The following PDE4D variants were observed in gnomAD, a reference collection of about 807,000 sequenced individuals.
PDE4D encodes the protein 3',5'-cyclic-AMP phosphodiesterase 4D.
PDE4D carries 24 observed loss-of-function variants against 87.4 expected under a neutral mutation model. That is an observed-to-expected ratio of 0.27 (90% CI 0.20 to 0.39). The LOEUF is 0.39. PDE4D is among the 10% of genes least tolerant of loss of function. The pLI is 1.00. For synonymous variants in PDE4D, 384 were observed against 383.2 expected (o/e 1.00, Z -0.02); for missense variants, 714 against 1,041.0 (o/e 0.69, Z 4.32).
chr5:59,631,777 C>T (rs1014557929), intron 1 of PDE4D, among the ~76,000 whole-genome samples: 35 of 152,218 alleles, frequency 2.3e-4, no homozygotes, highest in African/African-American at 8.0e-4. Flanking sequence ...TCTTGGGTGC[C>T]TATACCACAA....
At chr5:60,460,622 C>CT in intron 1 of PDE4D, 1 of 1,229,494 alleles carries the variant, frequency 8.1e-7, no homozygotes, top group Non-Finnish European at 1.2e-6. Context: ...TCTTGCTGTT[C>CT]TTTTTCTCCC....
chr5:60,316,844 G>C (rs1755656179), intron 1 of PDE4D, among the ~76,000 whole-genome samples: 1 of 152,162 alleles, frequency 6.6e-6, no homozygotes, highest in African/African-American at 2.4e-5. Context: ...AAGCAGACTT[G>C]ATCATGGTGG....
rs1742456116 is a variant in PDE4D at position 58,970,688 on chromosome 5, A to T, written c.*3976T>A. 6.6e-6 allele frequency: 1 copy of T among 152,182 alleles called. No homozygotes were observed. Among genetic ancestry groups the T allele is most frequent in the African/African-American group, 2.4e-5 (1 of 41,460 alleles). 9.4% of individuals were successfully genotyped at this position (152,182 alleles called of 1,614,324 possible). ...GACATTTGGTTTATCTTAGTGGAAG[A>T]AAAATTTTAGGATTAAAAAACAGTA... is the stretch of plus-strand genomic sequence containing the variant. On this transcript the variant is annotated 3_prime_UTR_variant, in exon 15 of 15. Transcript: ENST00000340635.
At chr5:60,481,919 T>C (rs1748760486) in intron 1 of PDE4D, among the ~76,000 whole-genome samples, 2 of 152,292 alleles carry the variant, frequency 1.3e-5, no homozygotes, top group Middle Eastern at 3.4e-3. Context: ...ATTTTTTTCA[T>C]TACCTTATTG....
At chr5:60,214,985 A>C (rs1465471153) in intron 1 of PDE4D, among the ~76,000 whole-genome samples, 1 of 152,168 alleles carries the variant, frequency 6.6e-6, no homozygotes, top group Non-Finnish European at 1.5e-5. Flanking sequence ...TACTCTCAGA[A>C]TCATCTCTTG....
chr5:59,374,454 T>C (rs988219630), intron 1 of PDE4D, among the ~76,000 whole-genome samples: 1 of 151,694 alleles, frequency 6.6e-6, no homozygotes, highest in Non-Finnish European at 1.5e-5. Flanking sequence ...TGGTAAAGGG[T>C]TCAATTCAAC....
At chr5:59,165,613 C>A (rs1407656144) in intron 5 of PDE4D, among the ~76,000 whole-genome samples, 1 of 152,092 alleles carries the variant, frequency 6.6e-6, no homozygotes, top group African/African-American at 2.4e-5. Flanking sequence ...TCATGAACTC[C>A]CTATGAGATA....
intron 1 of PDE4D, among the ~76,000 whole-genome samples, chr5:59,274,818 A>G (rs1764501115): frequency 6.6e-6 from 1 of 152,176 alleles, no homozygotes; most frequent in East Asian, 1.9e-4. Flanking sequence ...TTCTAATAAA[A>G]TAAAACATAA....
At chr5:60,105,024 C>T (rs1302633421) in intron 2 of PDE4D, among the ~76,000 whole-genome samples, 2 of 152,208 alleles carry the variant, frequency 1.3e-5, no homozygotes, top group Non-Finnish European at 2.9e-5. Flanking sequence ...ATGACTTTGA[C>T]GAGTTGAGAG....
At chr5:59,131,150 T>C (rs1205548264) in intron 5 of PDE4D, among the ~76,000 whole-genome samples, 1 of 152,220 alleles carries the variant, frequency 6.6e-6, no homozygotes, top group Non-Finnish European at 1.5e-5. Flanking sequence ...GAGTCCTTTT[T>C]AGGTCTCAGT....
intron 2 of PDE4D, among the ~76,000 whole-genome samples, chr5:60,024,597 T>G (rs1766423061): frequency 6.6e-6 from 1 of 152,164 alleles, no homozygotes; most frequent in Non-Finnish European, 1.5e-5. Flanking sequence ...CATTTGGTGA[T>G]TTAAGGCATC....
Position 60,204,983 on chromosome 5 carries a change from A to G in PDE4D, c.-89-19296T>C, listed in dbSNP as rs74635969. 6.8e-3 allele frequency among the ~76,000 whole-genome samples: 1,043 copies of G among 152,264 alleles called. 13 individuals are homozygous for G. Among genetic ancestry groups the G allele is most frequent in the Non-Finnish European group, 0.01 (707 of 68,016 alleles). On this transcript the variant is annotated intron_variant, in intron 1 of 16. Coordinates refer to the PDE4D transcript ENST00000502484. ...TAGTAAGCATCAATAAGTGTTAGCT[A>G]TCTTTATTATTATTATCTGTGGGGA...
intron 1 of PDE4D, among the ~76,000 whole-genome samples, chr5:59,830,274 CT>C (rs1395508966): frequency 6.6e-6 from 1 of 151,978 alleles, no homozygotes; most frequent in Non-Finnish European, 1.5e-5. Flanking sequence ...CTGCCTCGCT[CT>C]TTACCATTAG....
intron 1 of PDE4D, among the ~76,000 whole-genome samples, chr5:59,278,121 A>G (rs1765167096): frequency 6.6e-6 from 1 of 152,100 alleles, no homozygotes; most frequent in Non-Finnish European, 1.5e-5. Context: ...CTAATATTTA[A>G]GGTAGTGACA....
rs371306165 is a variant in PDE4D at position 59,023,542 on chromosome 5, T to A, written c.921+15317A>T. Among the ~76,000 whole-genome samples, 9 of 151,924 alleles carry A rather than the reference T, an allele frequency of 5.9e-5. No individual in the cohort carries two copies. In the South Asian group the frequency reaches 1.0e-3, roughly 18 times the overall value. On this transcript the variant is annotated intron_variant, in intron 6 of 14. Transcript: ENST00000340635. ...CTGGTGGCACATGCCTGTGGCTCCA[T>A]CCACTCAGGAGGCTGAGGTGGGAGG...
At chr5:59,976,070 C>T (rs1761299231) in intron 3 of PDE4D, among the ~76,000 whole-genome samples, 1 of 152,094 alleles carries the variant, frequency 6.6e-6, no homozygotes, top group African/African-American at 2.4e-5. Flanking sequence ...CCTTGGGTCG[C>T]CAGTGCATAC....
intron 1 of PDE4D, among the ~76,000 whole-genome samples, chr5:59,821,448 T>C (rs1260790996): frequency 3.4e-5 from 5 of 148,432 alleles, no homozygotes; most frequent in Admixed American, 6.6e-5. Context: ...CACACTTACA[T>C]TGAATGAATA....
intron 1 of PDE4D, among the ~76,000 whole-genome samples, chr5:60,418,992 T>C (rs890546803): frequency 1.3e-5 from 2 of 152,114 alleles, no homozygotes; most frequent in African/African-American, 4.8e-5. Context: ...AGAAAATGGA[T>C]ACTGCAGGTA....
intron 1 of PDE4D, among the ~76,000 whole-genome samples, chr5:60,247,462 AT>A (rs1271919971): frequency 6.6e-6 from 1 of 152,018 alleles, no homozygotes; most frequent in East Asian, 1.9e-4. Context: ...AATCCTTGTA[AT>A]TTACCAATTA....
Sources: gnomAD v4.1 joint callset for allele counts (sites outside exome capture counted in the v4.1 genomes callset) on GRCh38, gnomAD v4.1.1 for gene constraint, MANE v1.5 for transcripts, NCBI Gene and HGNC (gene_info 2026-07-23, HGNC 2026-07-21) for gene names.